SRPRA: variants seen among roughly 807,000 people sequenced by gnomAD.
SRPRA encodes the protein signal recognition particle receptor subunit alpha.
In SRPRA, 30 loss-of-function variants were observed where a neutral mutation model predicts 61.1. The ratio of observed to expected loss-of-function variants is 0.49; its 90% CI spans 0.37 to 0.67. The LOEUF (loss-of-function observed/expected upper bound fraction) is 0.67. Ranked by LOEUF, SRPRA falls within the 30% of genes least tolerant of loss-of-function variation. The pLI, the probability that SRPRA is intolerant of heterozygous loss-of-function variation, is 0.00. For synonymous variants in SRPRA, 324 were observed against 299.7 expected (o/e 1.08, Z -0.84); for missense variants, 759 against 828.4 (o/e 0.92, Z 1.03).
chr11:126,259,009 C>G (rs374561560), downstream of SRPRA, among the ~76,000 whole-genome samples: 5 of 152,190 alleles, frequency 3.3e-5, no homozygotes, highest in Admixed American at 2.6e-4. Flanking sequence ...AGTTACCCAT[C>G]ATTAAGGTGT....
the SRPRA span, among the ~76,000 whole-genome samples, chr11:126,247,156 G>A: frequency 3.3e-5 from 5 of 152,124 alleles, no homozygotes; most frequent in Admixed American, 3.3e-4. Context: ...AGTCGGCGTG[G>A]TGGTGTGCGC....
chr11:126,254,546 T>G, the SRPRA span: 1 of 1,427,088 alleles, frequency 7.0e-7, no homozygotes. Context: ...AAACGGAAGG[T>G]CAGGGGCTAG....
the SRPRA span, chr11:126,250,491 C>G: frequency 6.3e-7 from 1 of 1,588,770 alleles, no homozygotes; most frequent in Non-Finnish European, 8.6e-7. This position sits in a 1 kb window ranked among gnomAD's most constrained non-coding sequence, Gnocchi z 5.1. Context: ...TTTCTTTTTT[C>G]AAATCCCTCC....
downstream of SRPRA, chr11:126,262,065 T>C (rs1202333244): frequency 1.5e-5 from 24 of 1,594,486 alleles, no homozygotes; most frequent in Non-Finnish European, 1.9e-5. Flanking sequence ...CAGCTTCCAA[T>C]GTATAAACCT....
chr11:126,253,567 G>T, the SRPRA span, among the ~76,000 whole-genome samples: 1 of 152,124 alleles, frequency 6.6e-6, no homozygotes, highest in Non-Finnish European at 1.5e-5. This position sits in a 1 kb window ranked among gnomAD's most constrained non-coding sequence, Gnocchi z 5.1. Context: ...TTTGTGGCTT[G>T]TAACAACAAA....
chr11:126,236,560 T>TGACAATTC, the SRPRA span, among the ~76,000 whole-genome samples: 6 of 152,334 alleles, frequency 3.9e-5, no homozygotes, highest in Admixed American at 2.6e-4. Flanking sequence ...CACAGTGATG[T>TGACAATTC]ATCTTGTCAT....
chr11:126,257,605 A>T, the SRPRA span, among the ~76,000 whole-genome samples: 9 of 140,964 alleles, frequency 6.4e-5, no homozygotes, highest in South Asian at 6.6e-4. Context: ...AGAATTGTAC[A>T]TTTTTTTTTT....
the SRPRA span, among the ~76,000 whole-genome samples, chr11:126,253,038 A>G: frequency 2.9e-3 from 436 of 152,318 alleles, 3 homozygotes; most frequent in South Asian, 0.019. The surrounding 1 kb of genome is among the most constrained non-coding windows in gnomAD (Gnocchi z 5.1). Flanking sequence ...CTGTCTAAAA[A>G]CAAACAAACA....
the SRPRA span, among the ~76,000 whole-genome samples, chr11:126,237,215 C>CTTTTTTTTT: frequency 4.9e-4 from 21 of 43,112 alleles, 5 homozygotes; most frequent in Non-Finnish European, 6.0e-4. Context: ...CGCGCCTGGC[C>CTTTTTTTTT]TTTTTTTTTT....
the SRPRA span, among the ~76,000 whole-genome samples, chr11:126,236,060 T>C: frequency 6.6e-6 from 1 of 152,224 alleles, no homozygotes; most frequent in Non-Finnish European, 1.5e-5. Context: ...CATGGATTCT[T>C]CCTTCTGGAT....
the SRPRA span, chr11:126,250,517 T>C: frequency 6.2e-7 from 1 of 1,613,380 alleles, no homozygotes; most frequent in Non-Finnish European, 8.5e-7. This position sits in a 1 kb window ranked among gnomAD's most constrained non-coding sequence, Gnocchi z 5.1. Flanking sequence ...GTACCAGTAA[T>C]GTTCGATCCA....
At chr11:126,245,823 C>T in the SRPRA span, among the ~76,000 whole-genome samples, 93 of 152,050 alleles carry the variant, frequency 6.1e-4, no homozygotes, top group African/African-American at 2.2e-3. Context: ...ATGGTGAAAC[C>T]CCATCTCTAA....
chr11:126,247,030 C>T, the SRPRA span, among the ~76,000 whole-genome samples: 2 of 152,192 alleles, frequency 1.3e-5, no homozygotes, highest in South Asian at 2.1e-4. Flanking sequence ...TGGTGGTACA[C>T]GCCTGTGGTC....
At chr11:126,248,650 G>A in the SRPRA span, among the ~76,000 whole-genome samples, 1 of 152,122 alleles carries the variant, frequency 6.6e-6, no homozygotes, top group Non-Finnish European at 1.5e-5. Flanking sequence ...GATTACAGGC[G>A]TGAGCCAGCA....
At chr11:126,262,465 G>T (rs1033686389), downstream of SRPRA, 10 of 352,562 alleles carry the variant, frequency 2.8e-5, no homozygotes, top group Non-Finnish European at 3.1e-5. Context: ...CTGCATGAAG[G>T]ACTCGGGGTC....
chr11:126,249,791 T>A, the SRPRA span, among the ~76,000 whole-genome samples: 1 of 149,126 alleles, frequency 6.7e-6, no homozygotes, highest in Non-Finnish European at 1.5e-5. Context: ...CAATTAGGGC[T>A]GTGTCTCAGT....
the SRPRA span, among the ~76,000 whole-genome samples, chr11:126,241,632 C>G: frequency 6.6e-6 from 1 of 151,994 alleles, no homozygotes; most frequent in South Asian, 2.1e-4. Flanking sequence ...TCATGGCAGC[C>G]TCCGCCTCCT....
rs1221885147 is a variant in SRPRA, at chr11:126,266,091, CAGG to C, written c.933-13_933-11del. The C allele has an allele frequency of 2.5e-6, 4 of 1,613,668 alleles. No individual in the cohort carries two copies. Among genetic ancestry groups the C allele is most frequent in the South Asian group, 2.2e-5 (2 of 91,088 alleles). ...TGTTCCCTTGGTCGCACTGCAGGGACAGGAGATTACACATACACATAAAACCAG... is the reference window on the plus strand; with the variant it reads ...TGTTCCCTTGGTCGCACTGCAGGGACAGATTACACATACACATAAAACCAG... On this transcript the variant is annotated splice_polypyrimidine_tract_variant and intron_variant, in intron 7 of 13. Coordinates refer to ENST00000332118, the MANE Select transcript of SRPRA (RefSeq NM_003139.4).
rs3189850 is a variant in SRPRA at position 126,263,692 on chromosome 11, C to A, written c.*224G>T. The stretch of plus-strand genomic sequence containing the variant: ...GTGCCTGAGTAGGAAGGGGGAGGCC[C>A]GCTGGGAGAGGGTCAGTGGGCAGTG... On this transcript the variant is annotated 3_prime_UTR_variant, in exon 14 of 14. Transcript: ENST00000332118. The A allele has an allele frequency of 0.12, 67,429 of 572,296 alleles. 4,192 individuals are homozygous for A. The highest frequency in any genetic ancestry group is 0.14 in the South Asian group (6,114 of 44,116). 35.5% of individuals were successfully genotyped at this position (572,296 alleles called of 1,614,324 possible).
Sources: allele counts gnomAD v4.1 joint callset (sites outside exome capture counted in the v4.1 genomes callset), GRCh38; gene constraint gnomAD v4.1.1; non-coding constraint Gnocchi (gnomAD v3.1); transcripts MANE v1.5; gene names NCBI Gene and HGNC (gene_info 2026-07-23, HGNC 2026-07-21).